Variants in GPC6 observed in about 807,000 individuals in gnomAD.
GPC6 encodes glypican 6.
GPC6 carries 14 observed loss-of-function variants against 55.2 expected under a neutral mutation model. The ratio of observed to expected loss-of-function variants is 0.25; its 90% CI spans 0.17 to 0.40. The LOEUF (loss-of-function observed/expected upper bound fraction) is 0.40, where lower values mean the gene tolerates loss of function less well. Ranked by LOEUF, GPC6 falls within the 10% of genes least tolerant of loss-of-function variation. The probability of loss-of-function intolerance (pLI) is 1.00; values close to 1 mark genes in which losing one functional copy is unlikely to be tolerated. For missense variants in GPC6, 641 were observed against 708.5 expected (o/e 0.90, Z 1.08); for synonymous variants, 278 against 259.6 (o/e 1.07, Z -0.68).
chr13:93,988,618 G>A lies in GPC6; in HGVS notation c.712-39111G>A, dbSNP rs188897567. On this transcript the variant is annotated intron_variant, in intron 3 of 8. Transcript: ENST00000377047. ...TCTCTTTTCTGTGTTCTCATATGGCGGAAGGGGGAGCAAGCTATCTCTGGG... is the reference window on the plus strand; with the variant it reads ...TCTCTTTTCTGTGTTCTCATATGGCAGAAGGGGGAGCAAGCTATCTCTGGG... 3.2e-4 allele frequency among the ~76,000 whole-genome samples: 49 copies of A among 152,108 alleles called. 1 individual carries two copies. Among genetic ancestry groups the A allele is most frequent in the Non-Finnish European group, 6.0e-4 (41 of 67,996 alleles).
chr13:93,816,188 G>T (rs1330571826), intron 2 of GPC6, among the ~76,000 whole-genome samples: 1 of 151,776 alleles, frequency 6.6e-6, no homozygotes, highest in East Asian at 1.9e-4. Flanking sequence ...AAATTTTATT[G>T]TCTCCTGATT....
intron 4 of GPC6, among the ~76,000 whole-genome samples, chr13:94,119,552 G>A (rs1886553189): frequency 6.6e-6 from 1 of 152,112 alleles, no homozygotes; most frequent in African/African-American, 2.4e-5. Context: ...TCCAGACCCA[G>A]GTAAGAATCG....
At chr13:94,239,718 A>G (rs1425069686) in intron 4 of GPC6, among the ~76,000 whole-genome samples, 2 of 152,174 alleles carry the variant, frequency 1.3e-5, no homozygotes, top group East Asian at 1.9e-4. Flanking sequence ...AGGAAAGGCC[A>G]AAGTTAAGCG....
chr13:93,914,036 C>T (rs913862565), intron 3 of GPC6, among the ~76,000 whole-genome samples: 1 of 152,078 alleles, frequency 6.6e-6, no homozygotes, highest in Non-Finnish European at 1.5e-5. Flanking sequence ...TGATCTATAC[C>T]TTTAGTAAAA....
intron 1 of GPC6, among the ~76,000 whole-genome samples, chr13:93,281,977 G>A (rs1877966296): frequency 6.6e-6 from 1 of 152,172 alleles, no homozygotes; most frequent in Non-Finnish European, 1.5e-5. Context: ...AGGTAAAAAG[G>A]TGAGGTGCGA....
intron 1 of GPC6, among the ~76,000 whole-genome samples, chr13:93,508,988 C>T (rs559509182): frequency 6.6e-6 from 1 of 152,100 alleles, no homozygotes; most frequent in Non-Finnish European, 1.5e-5. Flanking sequence ...TGGTCGGTCA[C>T]CTGTTGAGAG....
chr13:93,785,325 C>T (rs1485644325), intron 2 of GPC6, among the ~76,000 whole-genome samples: 3 of 152,110 alleles, frequency 2.0e-5, no homozygotes, highest in Non-Finnish European at 4.4e-5. Context: ...TATAGTCTTT[C>T]AAAAACTTCT....
intron 4 of GPC6, among the ~76,000 whole-genome samples, chr13:94,261,318 T>C (rs956881147): frequency 4.6e-5 from 7 of 152,144 alleles, no homozygotes; most frequent in Non-Finnish European, 1.0e-4. Flanking sequence ...CATTTGTTAA[T>C]GGTTTGGGCA....
intron 3 of GPC6, among the ~76,000 whole-genome samples, chr13:93,897,073 G>GT (rs1052686973): frequency 3.4e-5 from 5 of 148,178 alleles, no homozygotes; most frequent in East Asian, 2.0e-4. Context: ...GCCAAATTAT[G>GT]TTTTTTTATT....
chr13:94,354,401 G>A (rs1878696765), intron 6 of GPC6, among the ~76,000 whole-genome samples: 1 of 150,700 alleles, frequency 6.6e-6, no homozygotes, highest in South Asian at 2.1e-4. Flanking sequence ...ATGTTTTATA[G>A]AGATAATCTA....
At chr13:94,317,254 C>CTT (rs549719324) in intron 6 of GPC6, among the ~76,000 whole-genome samples, 26 of 152,326 alleles carry the variant, frequency 1.7e-4, no homozygotes, top group African/African-American at 5.5e-4. Flanking sequence ...AAACCAATGA[C>CTT]TTTGTAAATT....
chr13:93,538,824 C>T (rs1483981030), intron 1 of GPC6, among the ~76,000 whole-genome samples: 1 of 152,090 alleles, frequency 6.6e-6, no homozygotes, highest in Non-Finnish European at 1.5e-5. Flanking sequence ...TATGCACTGC[C>T]CTTAACATCT....
chr13:93,536,700 A>G (rs779638067), intron 1 of GPC6, among the ~76,000 whole-genome samples: 2 of 152,152 alleles, frequency 1.3e-5, no homozygotes, highest in Non-Finnish European at 2.9e-5. Flanking sequence ...AACAACACCA[A>G]TTTCACCTAT....
intron 2 of GPC6, among the ~76,000 whole-genome samples, chr13:93,607,936 T>C (rs995031309): frequency 1.3e-5 from 2 of 152,196 alleles, no homozygotes; most frequent in African/African-American, 4.8e-5. Context: ...CCTATTTTCC[T>C]TCCAAATACA....
intron 6 of GPC6, among the ~76,000 whole-genome samples, chr13:94,351,302 C>G (rs1878531520): frequency 6.6e-6 from 1 of 152,058 alleles, no homozygotes; most frequent in Non-Finnish European, 1.5e-5. Context: ...ACGGTGATCC[C>G]TCTACACTCT....
At chr13:94,009,981 T>C (rs1882177400) in intron 3 of GPC6, among the ~76,000 whole-genome samples, 1 of 152,192 alleles carries the variant, frequency 6.6e-6, no homozygotes, top group African/African-American at 2.4e-5. Flanking sequence ...AGTAAAGCTC[T>C]ATAGATTATA....
At chr13:94,086,138 A>C (rs1885274649) in intron 4 of GPC6, among the ~76,000 whole-genome samples, 2 of 152,122 alleles carry the variant, frequency 1.3e-5, no homozygotes, top group Non-Finnish European at 2.9e-5. Context: ...ATTGGTTTAT[A>C]CATTTGACAA....
chr13:94,331,503 G>A (rs1049179328), intron 6 of GPC6, among the ~76,000 whole-genome samples: 5 of 152,058 alleles, frequency 3.3e-5, no homozygotes, highest in Non-Finnish European at 5.9e-5. Context: ...AAGCAGCTGT[G>A]TGGTTACATG....
At chr13:93,997,648 T>A (rs560477558) in intron 3 of GPC6, among the ~76,000 whole-genome samples, 2 of 151,824 alleles carry the variant, frequency 1.3e-5, no homozygotes, top group South Asian at 4.2e-4. Flanking sequence ...CTACCAAGAT[T>A]GCAATAATTT....
Sources: gnomAD v4.1 joint callset for allele counts (sites outside exome capture counted in the v4.1 genomes callset) on GRCh38, gnomAD v4.1.1 for gene constraint, MANE v1.5 for transcripts, NCBI Gene and HGNC (gene_info 2026-07-23, HGNC 2026-07-21) for gene names.